USP37: variants seen among roughly 807,000 people sequenced by gnomAD.
The protein encoded by USP37 is ubiquitin carboxyl-terminal hydrolase 37.
Under a neutral mutation model 124.0 loss-of-function variants are expected in USP37, and 27 were observed. The ratio of observed to expected loss-of-function variants is 0.22; its 90% CI spans 0.16 to 0.30. USP37 has a LOEUF of 0.30. USP37 is among the 10% of genes least tolerant of loss of function. The pLI is 1.00. For synonymous variants in USP37, 365 were observed against 388.0 expected, an observed-to-expected ratio of 0.94 and a Z score of 0.70; for missense variants, 889 against 1,140.4, an observed-to-expected ratio of 0.78 and a Z score of 3.17.
At chr2:218,534,162 CA>C (rs1691491395) in intron 9 of USP37, among the ~76,000 whole-genome samples, 1 of 152,128 alleles carries the variant, frequency 6.6e-6, no homozygotes, top group African/African-American at 2.4e-5. Flanking sequence ...ATATTTTAGC[CA>C]AGTACTGGGT....
chr2:218,468,203 T>TCC (rs1250609724), intron 20 of USP37, among the ~76,000 whole-genome samples: 6 of 150,628 alleles, frequency 4.0e-5, no homozygotes, highest in Middle Eastern at 3.4e-3. Flanking sequence ...TCATAATTTT[T>TCC]GTATTATTAT....
chr2:218,544,430 T>TAGAGAGAGAGAGAGAG (rs56690495), intron 8 of USP37, among the ~76,000 whole-genome samples: 59 of 50,774 alleles, frequency 1.2e-3, no homozygotes, highest in East Asian at 6.8e-3. Flanking sequence ...TATATATATA[T>TAGAGAGAGAGAGAGAG]AGAGAGAGAG....
chr2:218,563,727 A>G (rs1341452033), intron 1 of USP37, among the ~76,000 whole-genome samples: 1 of 152,154 alleles, frequency 6.6e-6, no homozygotes, highest in African/African-American at 2.4e-5. Flanking sequence ...AGGCATATAG[A>G]TGTGAAGATG....
At chr2:218,550,739 T>C (rs9784032) in intron 5 of USP37, among the ~76,000 whole-genome samples, 7,379 of 152,074 alleles carry the variant, frequency 0.049, 512 homozygotes, top group African/African-American at 0.16. Flanking sequence ...TTTGGTGAAG[T>C]CGAGAATTTT....
At chr2:218,514,629 T>C (rs541082457) in intron 10 of USP37, among the ~76,000 whole-genome samples, 29 of 152,302 alleles carry the variant, frequency 1.9e-4, no homozygotes, top group Admixed American at 1.3e-3. Flanking sequence ...GAAGTTTCTA[T>C]TTTTCCTTTT....
At chr2:218,566,431 AC>A (rs1693598279) in intron 1 of USP37, among the ~76,000 whole-genome samples, 1 of 152,234 alleles carries the variant, frequency 6.6e-6, no homozygotes, top group South Asian at 2.1e-4. Flanking sequence ...ACAAGCACTT[AC>A]CAGGAGGAAA....
chr2:218,519,472 G>A (rs1035947844), intron 10 of USP37, among the ~76,000 whole-genome samples: 1 of 152,102 alleles, frequency 6.6e-6, no homozygotes, highest in Non-Finnish European at 1.5e-5. Context: ...ATATTGGTAG[G>A]TCCTAGCCTC....
intron 11 of USP37, among the ~76,000 whole-genome samples, chr2:218,503,129 GC>G (rs1371721096): frequency 1.3e-5 from 2 of 152,036 alleles, no homozygotes; most frequent in African/African-American, 4.8e-5. Context: ...GAGAATACTT[GC>G]TGCCAAGAGA....
chr2:218,498,234 C>T, intron 11 of USP37, 77 bp from the exon 12 acceptor site: 2 of 1,412,480 alleles, frequency 1.4e-6, no homozygotes, highest in Admixed American at 2.6e-5. Flanking sequence ...GAGTTCTCCA[C>T]TTTATGTTTC....
At chr2:218,486,767 C>T (rs1481970583) in intron 15 of USP37, among the ~76,000 whole-genome samples, 2 of 151,886 alleles carry the variant, frequency 1.3e-5, no homozygotes, top group African/African-American at 4.8e-5. Context: ...GCTCTGTCGC[C>T]CAGGCTGGAG....
chr2:218,495,701 ATTT>A, intron 14 of USP37, 56 bp downstream of exon 14: 1 of 1,521,206 alleles, frequency 6.6e-7, no homozygotes, highest in Non-Finnish European at 8.9e-7. Context: ...TCATAGAAGA[ATTT>A]TAATCACTTG....
At chr2:218,551,273 C>A (rs1692652484) in intron 5 of USP37, among the ~76,000 whole-genome samples, 1 of 152,156 alleles carries the variant, frequency 6.6e-6, no homozygotes, top group African/African-American at 2.4e-5. Context: ...TAATAACCAC[C>A]TTTGGGCAGC....
At chr2:218,539,594 A>G (rs1296698528) in intron 8 of USP37, among the ~76,000 whole-genome samples, 1 of 152,036 alleles carries the variant, frequency 6.6e-6, no homozygotes, top group African/African-American at 2.4e-5. Flanking sequence ...GAATGCCTGT[A>G]GTCCCAGCTG....
At chr2:218,530,906 C>A (rs1218383116) in intron 9 of USP37, among the ~76,000 whole-genome samples, 2 of 152,132 alleles carry the variant, frequency 1.3e-5, no homozygotes, top group African/African-American at 4.8e-5. Context: ...GTCTAACTCT[C>A]TTCAATTCTA....
intron 21 of USP37, among the ~76,000 whole-genome samples, chr2:218,463,854 A>AT (rs965382526): frequency 0.13 from 6,358 of 48,846 alleles, 484 homozygotes; most frequent in African/African-American, 0.28. Flanking sequence ...ATTTTTTAAG[A>AT]TTTTTTTTTT....
In USP37 at chr2:218,454,606, T is replaced by C. The variant is rs1220911713; in HGVS notation, c.*324A>G. The C allele has an allele frequency of 4.5e-6, 1 of 221,050 alleles. No individual in the cohort carries two copies. The highest frequency in any genetic ancestry group is 5.8e-5 in the Admixed American group (1 of 17,342). The allele number at this position is 221,050 out of a possible 1,614,324, so 13.7% of individuals were successfully genotyped here. On this transcript the variant is annotated 3_prime_UTR_variant, in exon 26 of 26. Coordinates refer to ENST00000258399, the MANE Select transcript of USP37 (RefSeq NM_020935.3). ...CTCATCCTAACTCTTTAAGGCTCCATTCATCCCGTGTGTGTGTGTGTGTGT... is the reference window on the plus strand; with the variant it reads ...CTCATCCTAACTCTTTAAGGCTCCACTCATCCCGTGTGTGTGTGTGTGTGT...
At chr2:218,464,953 T>C (rs1690231262) in intron 21 of USP37, among the ~76,000 whole-genome samples, 1 of 151,702 alleles carries the variant, frequency 6.6e-6, no homozygotes, top group Non-Finnish European at 1.5e-5. Context: ...TGGTGGATGC[T>C]CCTGTGGTCC....
chr2:218,539,908 G>A (rs1357229989), intron 8 of USP37, among the ~76,000 whole-genome samples: 2 of 152,052 alleles, frequency 1.3e-5, no homozygotes, highest in Non-Finnish European at 2.9e-5. Context: ...TACTCAGGAG[G>A]CTGAGGCAGG....
chr2:218,549,695 C>T (rs1197765408), intron 6 of USP37, 114 bp downstream of exon 6: 19 of 870,904 alleles, frequency 2.2e-5, no homozygotes, highest in Non-Finnish European at 3.0e-5. Flanking sequence ...AGACTCCTGA[C>T]CTCGGGTGAT....
Sources: allele counts gnomAD v4.1 joint callset (sites outside exome capture counted in the v4.1 genomes callset), GRCh38; gene constraint gnomAD v4.1.1; transcripts MANE v1.5; gene names NCBI Gene and HGNC (gene_info 2026-07-23, HGNC 2026-07-21).